Variants in CACNA1C observed in about 807,000 individuals in gnomAD.
CACNA1C encodes the protein voltage-dependent L-type calcium channel subunit alpha-1C.
A neutral mutation model predicts 229.0 loss-of-function variants in CACNA1C; 30 were observed. The ratio of observed to expected loss-of-function variants is 0.13; its 90% CI spans 0.10 to 0.18. The LOEUF is 0.18. CACNA1C is among the 10% of genes least tolerant of loss of function. CACNA1C has a pLI of 1.00. For missense variants in CACNA1C, 1,658 were observed against 2,845.0 expected, an observed-to-expected ratio of 0.58 and a Z score of 9.49; for synonymous variants, 1,114 against 1,132.5, an observed-to-expected ratio of 0.98 and a Z score of 0.33.
intron 3 of CACNA1C, among the ~76,000 whole-genome samples, chr12:2,197,383 T>A (rs1325572100): frequency 6.6e-6 from 1 of 152,174 alleles, no homozygotes; most frequent in Non-Finnish European, 1.5e-5. Context: ...TTGACAATGC[T>A]CAGTTTAATG....
In CACNA1C at chr12:2,595,478, G is replaced by T. The variant is rs2067690969; in HGVS notation, c.2664-396G>T. Among the ~76,000 whole-genome samples the T allele has an allele frequency of 6.6e-6, 1 of 152,072 alleles. No homozygotes were observed. Among genetic ancestry groups the T allele is most frequent in the African/African-American group, 2.4e-5 (1 of 41,412 alleles). On this transcript the variant is annotated intron_variant, in intron 19 of 46. Transcript: ENST00000399655. The surrounding 1 kb of genome is among the most constrained non-coding windows in gnomAD (Gnocchi z 4.1). The stretch of plus-strand genomic sequence containing the variant: ...TCACCTACAGAGAGCCGGTTTGGCT[G>T]GCCTCTCAGCATACCCAGCTCCGGG...
At chr12:2,017,042 T>C (rs2045513350) in intron 1 of CACNA1C, among the ~76,000 whole-genome samples, 1 of 152,220 alleles carries the variant, frequency 6.6e-6, no homozygotes. Flanking sequence ...TTTGGGAATT[T>C]GGAGTTTATT....
At chr12:2,621,002 A>G (rs986733208) in intron 29 of CACNA1C, among the ~76,000 whole-genome samples, 2 of 152,252 alleles carry the variant, frequency 1.3e-5, no homozygotes, top group Admixed American at 6.5e-5. Context: ...ACTTTCTGCC[A>G]TACAAGTCTC....
chr12:2,010,440 G>A (rs2044212300), intron 1 of CACNA1C, among the ~76,000 whole-genome samples: 1 of 152,172 alleles, frequency 6.6e-6, no homozygotes, highest in Non-Finnish European at 1.5e-5. Flanking sequence ...CTGTACCTTT[G>A]AAAAAGTCAG....
chr12:2,589,033 T>C (rs2063884350), intron 18 of CACNA1C, among the ~76,000 whole-genome samples: 1 of 152,016 alleles, frequency 6.6e-6, no homozygotes, highest in Non-Finnish European at 1.5e-5. Context: ...GTCAGGGAGT[T>C]GGAGAGGCTG....
At chr12:2,616,378 G>T (rs115757096) in intron 29 of CACNA1C, among the ~76,000 whole-genome samples, 1 of 152,210 alleles carries the variant, frequency 6.6e-6, no homozygotes, top group African/African-American at 2.4e-5. Flanking sequence ...AGAAGTTGAC[G>T]CATATATAGT....
chr12:2,542,383 G>A (rs2099872711), intron 9 of CACNA1C, among the ~76,000 whole-genome samples: 1 of 152,218 alleles, frequency 6.6e-6, no homozygotes, highest in Admixed American at 6.5e-5. Context: ...ACTGTCAAGA[G>A]AGCCATTCGT....
rs868845709 is a variant in CACNA1C at position 2,680,687 on chromosome 12, G to A, written c.5444+891G>A. Reference sequence around the variant, plus strand: ...GAGCAGGCACACCTGCCGCTGGCCTGCCTGTCCCTGCAGAGGGCCCATTTC... The same window carrying A: ...GAGCAGGCACACCTGCCGCTGGCCTACCTGTCCCTGCAGAGGGCCCATTTC... On this transcript the variant is annotated intron_variant, in intron 42 of 46. Transcript: ENST00000399655. 71 of 857,428 alleles carry A rather than the reference G, an allele frequency of 8.3e-5. No homozygotes were observed. In the Middle Eastern group the frequency reaches 1.1e-3, roughly 13 times the overall value. 53.1% of individuals were successfully genotyped at this position (857,428 alleles called of 1,614,324 possible).
At chr12:2,606,696 G>T in intron 25 of CACNA1C, 33 bp downstream of exon 25, 1 of 1,590,068 alleles carries the variant, frequency 6.3e-7, no homozygotes, top group African/African-American at 1.3e-5. Flanking sequence ...CCAGGGCCAC[G>T]GCCGGTCAGC....
At chr12:2,349,161 G>T (rs1233672511) in intron 3 of CACNA1C, among the ~76,000 whole-genome samples, 1 of 152,350 alleles carries the variant, frequency 6.6e-6, no homozygotes, top group East Asian at 1.9e-4. Context: ...GGTCACGGGA[G>T]GGGTCTGCTC....
chr12:2,537,014 C>T (rs1404809980), intron 9 of CACNA1C, among the ~76,000 whole-genome samples: 1 of 152,162 alleles, frequency 6.6e-6, no homozygotes, highest in African/African-American at 2.4e-5. Context: ...GGCCCCCAAG[C>T]CCATGCTCCT....
At chr12:2,561,144 T>G (rs940626492) in intron 11 of CACNA1C, among the ~76,000 whole-genome samples, 2 of 152,222 alleles carry the variant, frequency 1.3e-5, no homozygotes, top group Non-Finnish European at 2.9e-5. Flanking sequence ...TGGACTGTGC[T>G]GAGTCCCATG....
At position 2,581,718 on chromosome 12, in the gene CACNA1C, G is replaced by C; in HGVS notation, c.2024G>C (p.Gly675Ala). 6.2e-7 allele frequency: 1 copy of C among 1,613,548 alleles called. No homozygotes were observed. The highest frequency in any genetic ancestry group is 8.5e-7 in the Non-Finnish European group (1 of 1,179,756). The change falls in exon 14 of 47, where the codon GGA becomes GCA. Residue 675 changes from glycine to alanine, a missense_variant. Transcript: ENST00000399655. Reference sequence around the variant, plus strand: ...CTCCTGGGGATGCAGCTCTTTGGAGGAAAGTTCAACTTTGATGAGATGCAG... The same window carrying C: ...CTCCTGGGGATGCAGCTCTTTGGAGCAAAGTTCAACTTTGATGAGATGCAG... ...FSLLGMQLFG[G>A]KFNFDEMQTR...
intron 3 of CACNA1C, among the ~76,000 whole-genome samples, chr12:2,198,677 G>A (rs891666163): frequency 2.6e-5 from 4 of 152,144 alleles, no homozygotes; most frequent in Non-Finnish European, 4.4e-5. Context: ...GGTAAAGCAG[G>A]CAGAGGTGGG....
At chr12:2,556,049 C>A (rs2044068138) in intron 10 of CACNA1C, among the ~76,000 whole-genome samples, 1 of 152,190 alleles carries the variant, frequency 6.6e-6, no homozygotes, top group South Asian at 2.1e-4. Context: ...CTATCCCCAG[C>A]GTTCATGCCC....
chr12:2,367,164 C>G (rs1191125794), intron 3 of CACNA1C, among the ~76,000 whole-genome samples: 1 of 152,196 alleles, frequency 6.6e-6, no homozygotes, highest in Non-Finnish European at 1.5e-5. Context: ...AGCTGTTCCA[C>G]CTCAGATCAT....
At chr12:2,127,969 T>G (rs1440264998) in intron 3 of CACNA1C, among the ~76,000 whole-genome samples, 2 of 152,224 alleles carry the variant, frequency 1.3e-5, no homozygotes, top group Non-Finnish European at 2.9e-5. Flanking sequence ...TGCTTTCTAT[T>G]TATTTGTTTA....
At chr12:2,584,196 A>T (rs1272645594) in intron 15 of CACNA1C, among the ~76,000 whole-genome samples, 1 of 152,236 alleles carries the variant, frequency 6.6e-6, no homozygotes, top group Non-Finnish European at 1.5e-5. Context: ...CAGTCATCTC[A>T]GCAGGGAAAG....
rs1051358929 is a variant in CACNA1C, at chr12:2,649,741, C to T, written c.3945+1234C>T. The stretch of plus-strand genomic sequence containing the variant: ...GCAGATCCAGATGCCCCTGTGGCAC[C>T]AACTTCTCAAACTCTTGACACTTGC... On this transcript the variant is annotated intron_variant, in intron 31 of 46. Coordinates refer to ENST00000399655, the MANE Select transcript of CACNA1C (RefSeq NM_000719.7). The surrounding 1 kb of genome is among the most constrained non-coding windows in gnomAD (Gnocchi z 4.4). Among the ~76,000 whole-genome samples, 1 of 151,928 alleles carries T rather than the reference C, an allele frequency of 6.6e-6. No individual in the cohort carries two copies. Among genetic ancestry groups the T allele is most frequent in the Non-Finnish European group, 1.5e-5 (1 of 68,002 alleles).
Sources: allele counts gnomAD v4.1 joint callset (sites outside exome capture counted in the v4.1 genomes callset), GRCh38; gene constraint gnomAD v4.1.1; non-coding constraint Gnocchi (gnomAD v3.1); transcripts MANE v1.5; gene names NCBI Gene and HGNC (gene_info 2026-07-23, HGNC 2026-07-21).